Variants in TRIM24 observed in about 807,000 individuals in gnomAD.
TRIM24 encodes the protein transcription intermediary factor 1-alpha.
A neutral mutation model predicts 123.9 loss-of-function variants in TRIM24; 29 were observed. The observed-to-expected ratio is 0.23, with a 90% CI of 0.17 to 0.32. TRIM24 has a LOEUF of 0.32. Among genes scored for constraint, TRIM24 ranks in the 10% least tolerant of loss-of-function variants. The pLI, the probability that TRIM24 is intolerant of heterozygous loss-of-function variation, is 1.00. For missense variants in TRIM24, 932 were observed against 1,295.3 expected, an observed-to-expected ratio of 0.72 and a Z score of 4.31; for synonymous variants, 456 against 461.1, an observed-to-expected ratio of 0.99 and a Z score of 0.14.
intron 2 of TRIM24, among the ~76,000 whole-genome samples, chr7:138,505,631 G>A (rs1796138067): frequency 6.6e-6 from 1 of 151,722 alleles, no homozygotes; most frequent in Non-Finnish European, 1.5e-5. Flanking sequence ...CCAACTCCTG[G>A]GCTCAAGTGA....
chr7:138,536,960 C>T (rs1163373830), intron 6 of TRIM24, among the ~76,000 whole-genome samples: 1 of 152,216 alleles, frequency 6.6e-6, no homozygotes, highest in African/African-American at 2.4e-5. Flanking sequence ...AGTTCGATCT[C>T]AGACTGCTGT....
At chr7:138,527,851 G>A (rs150559724) in intron 5 of TRIM24, among the ~76,000 whole-genome samples, 111 of 152,206 alleles carry the variant, frequency 7.3e-4, no homozygotes, top group East Asian at 1.7e-3. Flanking sequence ...CATACCCAGC[G>A]GATTAATATC....
At chr7:138,493,337 T>G (rs1795836469) in intron 1 of TRIM24, among the ~76,000 whole-genome samples, 2 of 152,242 alleles carry the variant, frequency 1.3e-5, no homozygotes, top group African/African-American at 2.4e-5. Flanking sequence ...ATTTAAGTAT[T>G]ACAATGTGTT....
chr7:138,567,459 T>G, intron 9 of TRIM24, 22 bp from the exon 10 acceptor site: 1 of 1,588,750 alleles, frequency 6.3e-7, no homozygotes, highest in Non-Finnish European at 8.6e-7. Flanking sequence ...GTTACTAAAT[T>G]GGTTTAATTT....
At chr7:138,574,053 A>G (rs1367978412) in intron 12 of TRIM24, among the ~76,000 whole-genome samples, 1 of 152,234 alleles carries the variant, frequency 6.6e-6, no homozygotes, top group Non-Finnish European at 1.5e-5. Context: ...GATTACAGGC[A>G]TGAGCCATCA....
At chr7:138,535,666 A>G (rs946845873) in intron 6 of TRIM24, among the ~76,000 whole-genome samples, 1 of 151,942 alleles carries the variant, frequency 6.6e-6, no homozygotes, top group African/African-American at 2.4e-5. Context: ...CTTCATTTCA[A>G]CTTTGGTGAA....
At chr7:138,581,063 C>T (rs911268470) in intron 16 of TRIM24, among the ~76,000 whole-genome samples, 3 of 151,928 alleles carry the variant, frequency 2.0e-5, no homozygotes, top group Admixed American at 1.3e-4. Context: ...GAAATAATTC[C>T]TTTTTTTTCA....
chr7:138,552,166 A>G (rs994038781), intron 8 of TRIM24, among the ~76,000 whole-genome samples: 10 of 152,204 alleles, frequency 6.6e-5, no homozygotes, highest in Non-Finnish European at 1.0e-4. Context: ...CTACCTAGCA[A>G]TAAGCTATGC....
In TRIM24 at chr7:138,580,550, G is replaced by A. The variant is rs776430384; in HGVS notation, c.2586-12G>A. The A allele has an allele frequency of 6.2e-7, 1 of 1,606,972 alleles. No homozygotes were observed. Among genetic ancestry groups the A allele is most frequent in the Non-Finnish European group, 8.5e-7 (1 of 1,176,760 alleles). On this transcript the variant is annotated splice_polypyrimidine_tract_variant and intron_variant, in intron 15 of 18. Coordinates refer to ENST00000343526, the MANE Select transcript of TRIM24 (RefSeq NM_015905.3). ...TGCATTAGGAATTCAAAAGTACATT[G>A]TCCCCTAACAGTGGAGAGTGGATTT...
At chr7:138,472,732 C>T (rs1488725437) in intron 1 of TRIM24, among the ~76,000 whole-genome samples, 1 of 152,006 alleles carries the variant, frequency 6.6e-6, no homozygotes, top group South Asian at 2.1e-4. Context: ...GCATGAGCTG[C>T]GAACTATTAG....
intron 16 of TRIM24, among the ~76,000 whole-genome samples, chr7:138,581,033 T>C (rs1477844668): frequency 6.6e-6 from 1 of 152,146 alleles, no homozygotes; most frequent in Non-Finnish European, 1.5e-5. Context: ...AGGAGCTGGG[T>C]TTTTTCTTTA....
chr7:138,573,444 AT>A, intron 11 of TRIM24, 62 bp from the exon 12 acceptor site: 2 of 1,425,470 alleles, frequency 1.4e-6, no homozygotes, highest in Non-Finnish European at 1.9e-6. Context: ...TTTCTTATAA[AT>A]TTAAAAGTAG....
Position 138,460,889 on chromosome 7 carries a change from G to A in TRIM24, c.341G>A (p.Gly114Asp). The change falls in exon 1 of 19, where the codon GGC becomes GAC. Residue 114 changes from glycine (G) to aspartate (D), a missense_variant. This residue lies in a region of TRIM24 where 164 missense variants were observed against 181.9 expected (regional missense o/e 0.90). Coordinates refer to ENST00000343526, the MANE Select transcript of TRIM24 (RefSeq NM_015905.3). The part of the protein sequence containing the change: ...PVPAPGSPVS[G>D]SSPFATQVGV... ...CCTGCCCCCGGCTCGCCGGTCAGCG[G>A]CTCGTCGCCGTTCGCCACCCAAGGT... 6.6e-7 allele frequency: 1 copy of A among 1,517,674 alleles called. No homozygotes were observed. Among genetic ancestry groups the A allele is most frequent in the East Asian group, 2.7e-5 (1 of 36,986 alleles). The allele number at this position is 1,517,674 out of a possible 1,614,324, so 94.0% of individuals were successfully genotyped here.
Position 138,554,119 on chromosome 7 carries a change from A to G in TRIM24, c.1262-579A>G, listed in dbSNP as rs1462464855. Among the ~76,000 whole-genome samples, 2 of 152,180 alleles carry G rather than the reference A, an allele frequency of 1.3e-5. No homozygotes were observed. The highest frequency in any genetic ancestry group is 2.9e-5 in the Non-Finnish European group (2 of 68,032). ...CTGGGGGTTCAGATATTCTTCATTG[A>G]TAAAGAATGATAATCTCCGGGTTGG... On this transcript the variant is annotated intron_variant, in intron 8 of 18. Coordinates refer to ENST00000343526, the MANE Select transcript of TRIM24 (RefSeq NM_015905.3). The surrounding 1 kb of genome is among the most constrained non-coding windows in gnomAD (Gnocchi z 4.5).
At chr7:138,571,962 A>AAGTT (rs891694797) in intron 11 of TRIM24, among the ~76,000 whole-genome samples, 1 of 152,164 alleles carries the variant, frequency 6.6e-6, no homozygotes, top group African/African-American at 2.4e-5. Flanking sequence ...TTTTAATCTA[A>AAGTT]AGTTAGATAA....
intron 2 of TRIM24, among the ~76,000 whole-genome samples, chr7:138,509,429 C>T (rs1296187530): frequency 1.3e-5 from 2 of 150,150 alleles, no homozygotes; most frequent in Middle Eastern, 3.2e-3. Context: ...TAAGGCCAGG[C>T]ATGGTGGCTT....
At chr7:138,529,401 A>G (rs368596909) in intron 6 of TRIM24, among the ~76,000 whole-genome samples, 171 bp downstream of exon 6, 19 of 152,256 alleles carry the variant, frequency 1.2e-4, no homozygotes, top group African/African-American at 4.6e-4. Flanking sequence ...TGACAATTTA[A>G]AGCTTTATAA....
At position 138,469,750 on chromosome 7, in the gene TRIM24, A is replaced by G. The variant is rs898883248; in HGVS notation, c.364+8838A>G. Among the ~76,000 whole-genome samples the G allele has an allele frequency of 1.8e-4, 28 of 152,186 alleles. 1 individual carries two copies. Among genetic ancestry groups the G allele is most frequent in the Non-Finnish European group, 2.9e-5 (2 of 68,042 alleles). On this transcript the variant is annotated intron_variant, in intron 1 of 18. Coordinates refer to ENST00000343526, the MANE Select transcript of TRIM24 (RefSeq NM_015905.3). ...CATTCAGGTGAGGGAAGACATTAGAACTTCTTTTCAGAAATTGAGCTTTAA... is the reference window on the plus strand; with the variant it reads ...CATTCAGGTGAGGGAAGACATTAGAGCTTCTTTTCAGAAATTGAGCTTTAA...
intron 3 of TRIM24, among the ~76,000 whole-genome samples, chr7:138,518,739 G>A (rs759988342): frequency 2.6e-5 from 4 of 152,060 alleles, no homozygotes; most frequent in East Asian, 1.9e-4. Flanking sequence ...TCAAGCAAGC[G>A]ATCCTCTCAA....
Sources: allele counts gnomAD v4.1 joint callset (sites outside exome capture counted in the v4.1 genomes callset), GRCh38; gene constraint gnomAD v4.1.1; regional missense constraint gnomAD v4.1.1; non-coding constraint Gnocchi (gnomAD v3.1); transcripts MANE v1.5; gene names NCBI Gene and HGNC (gene_info 2026-07-23, HGNC 2026-07-21).